Variants in AGAP1 observed in about 807,000 individuals in gnomAD.
The protein encoded by AGAP1 is arf-GAP with GTPase, ANK repeat and PH domain-containing protein 1.
In AGAP1, 29 loss-of-function variants were observed where a neutral mutation model predicts 105.3. The observed-to-expected ratio is 0.28, with a 90% CI of 0.21 to 0.38. The LOEUF is 0.38. AGAP1 is among the 10% of genes least tolerant of loss of function. AGAP1 has a pLI of 1.00. For missense variants in AGAP1, 998 were observed against 1,165.1 expected, an observed-to-expected ratio of 0.86 and a Z score of 2.09; for synonymous variants, 509 against 485.9, an observed-to-expected ratio of 1.05 and a Z score of -0.63.
chr2:235,645,086 G>C (rs964218326), intron 1 of AGAP1, among the ~76,000 whole-genome samples: 3 of 152,072 alleles, frequency 2.0e-5, no homozygotes, highest in Non-Finnish European at 1.5e-5. Flanking sequence ...AGTAGAGACA[G>C]GGTTTTACCA....
chr2:235,570,830 G>A (rs534629334), intron 1 of AGAP1, among the ~76,000 whole-genome samples: 7 of 152,306 alleles, frequency 4.6e-5, no homozygotes, highest in Admixed American at 3.3e-4. Context: ...TGATTAGGCC[G>A]GTGCCTGGCA....
At position 236,096,153 on chromosome 2, in the gene AGAP1, A is replaced by C. The variant is rs183222848; in HGVS notation, c.2115-24039A>C. On this transcript the variant is annotated intron_variant, in intron 16 of 17. Coordinates refer to ENST00000304032, the MANE Select transcript of AGAP1 (RefSeq NM_001037131.3). This position sits in a 1 kb window ranked among gnomAD's most constrained non-coding sequence, Gnocchi z 4.4. The stretch of plus-strand genomic sequence containing the variant: ...CCATGTGCATAGCTGTTTTTCATCC[A>C]GTAGGTAACTTCACTGGCTTCTTCA... 7.9e-4 allele frequency among the ~76,000 whole-genome samples: 120 copies of C among 152,324 alleles called. No homozygotes were observed. The highest frequency in any genetic ancestry group is 2.5e-3 in the African/African-American group (106 of 41,584).
At position 235,936,537 on chromosome 2, in the gene AGAP1, C is replaced by T. The variant is rs563563564; in HGVS notation, c.1483+5614C>T. Among the ~76,000 whole-genome samples, 1 of 152,156 alleles carries T rather than the reference C, an allele frequency of 6.6e-6. No individual in the cohort carries two copies. Among genetic ancestry groups the T allele is most frequent in the Non-Finnish European group, 1.5e-5 (1 of 68,004 alleles). On this transcript the variant is annotated intron_variant, in intron 12 of 17. Transcript: ENST00000304032. The surrounding 1 kb of genome is among the most constrained non-coding windows in gnomAD (Gnocchi z 4.7). Reference sequence around the variant, plus strand: ...AAGCTGTCTGTCCCACACTTACTTTCGGAGCCAATGCATTTGAACCACACT... The same window carrying T: ...AAGCTGTCTGTCCCACACTTACTTTTGGAGCCAATGCATTTGAACCACACT...
Position 235,867,571 on chromosome 2 carries a change from G to A in AGAP1, c.1051-15774G>A, listed in dbSNP as rs960643481. Among the ~76,000 whole-genome samples, 3 of 151,080 alleles carry A rather than the reference G, an allele frequency of 2.0e-5. No individual in the cohort carries two copies. The highest frequency in any genetic ancestry group is 4.4e-5 in the Non-Finnish European group (3 of 67,734). On this transcript the variant is annotated intron_variant, in intron 9 of 17. Coordinates refer to ENST00000304032, the MANE Select transcript of AGAP1 (RefSeq NM_001037131.3). The surrounding 1 kb of genome is among the most constrained non-coding windows in gnomAD (Gnocchi z 5.4). ...TGTGTGTGTGTGTGTGTGTGTGTGTGTGTGCAAGTGAGGGAGGGTGACCCC... is the reference window on the plus strand; with the variant it reads ...TGTGTGTGTGTGTGTGTGTGTGTGTATGTGCAAGTGAGGGAGGGTGACCCC...
At position 236,025,316 on chromosome 2, in the gene AGAP1, G is replaced by T. The variant is rs191344979; in HGVS notation, c.1646-11245G>T. On this transcript the variant is annotated intron_variant, in intron 13 of 17. Transcript: ENST00000304032. ...GTAATGCTCGGCTCTGTCTCTGACT[G>T]ATGGGCCTCACGCTGCCAATTACTG... 1.8e-3 allele frequency among the ~76,000 whole-genome samples: 277 copies of T among 152,264 alleles called. 1 individual carries two copies. Among genetic ancestry groups the T allele is most frequent in the African/African-American group, 6.2e-3 (258 of 41,560 alleles).
intron 1 of AGAP1, among the ~76,000 whole-genome samples, chr2:235,498,942 T>TTGGGGGACC (rs1046514956): frequency 2.0e-5 from 3 of 152,182 alleles, no homozygotes; most frequent in Non-Finnish European, 4.4e-5. Context: ...GCCCCAGTGT[T>TTGGGGGACC]TGGGGGACCT....
chr2:236,081,388 T>G (rs1262679043), intron 16 of AGAP1, among the ~76,000 whole-genome samples: 1 of 152,220 alleles, frequency 6.6e-6, no homozygotes, highest in Non-Finnish European at 1.5e-5. Context: ...CCGGGGTGCG[T>G]GTCTGAACCG....
intron 2 of AGAP1, 71 bp from the exon 3 acceptor site, chr2:235,717,486 C>T (rs569756649): frequency 6.1e-6 from 8 of 1,320,900 alleles, no homozygotes; most frequent in Non-Finnish European, 8.4e-6. Context: ...TCTATTTTAG[C>T]CTCTTAGTAT....
At chr2:235,780,971 C>G (rs1455455931) in intron 6 of AGAP1, among the ~76,000 whole-genome samples, 1 of 152,148 alleles carries the variant, frequency 6.6e-6, no homozygotes, top group Non-Finnish European at 1.5e-5. Context: ...ATAAAATTCT[C>G]TGCAGCCACT....
intron 6 of AGAP1, among the ~76,000 whole-genome samples, chr2:235,771,953 C>G (rs1006599869): frequency 1.3e-5 from 2 of 151,178 alleles, no homozygotes; most frequent in Admixed American, 1.3e-4. Flanking sequence ...ATGCAATGTT[C>G]CGGAGCTGAC....
rs1212288029 is a variant in AGAP1 at position 236,056,303 on chromosome 2, T to C, written c.2114+7022T>C. 1.3e-5 allele frequency among the ~76,000 whole-genome samples: 2 copies of C among 152,240 alleles called. No individual in the cohort carries two copies. The highest frequency in any genetic ancestry group is 4.8e-5 in the African/African-American group (2 of 41,466). ...TTTGATCCTGCAAGAAACCAGTGTG[T>C]GCTTGGAGCCGGCTTTGCTACCGCA... On this transcript the variant is annotated intron_variant, in intron 16 of 17. Coordinates refer to ENST00000304032, the MANE Select transcript of AGAP1 (RefSeq NM_001037131.3). This position sits in a 1 kb window ranked among gnomAD's most constrained non-coding sequence, Gnocchi z 4.6.
chr2:235,728,326 T>TGC lies in AGAP1; in HGVS notation c.310+10684_310+10685dup, dbSNP rs1553615546. Reference sequence around the variant, plus strand: ...CTGTGTGTGTGTGTGTGTGTGTGTGTGCGTGCTCTTAAATCAATGTAAATT... The same window carrying TGC: ...CTGTGTGTGTGTGTGTGTGTGTGTGTGCGCGTGCTCTTAAATCAATGTAAATT... On this transcript the variant is annotated intron_variant, in intron 3 of 17. Transcript: ENST00000304032. This position sits in a 1 kb window ranked among gnomAD's most constrained non-coding sequence, Gnocchi z 4.3. 7.3e-5 allele frequency among the ~76,000 whole-genome samples: 11 copies of TGC among 151,624 alleles called. No individual in the cohort carries two copies. The highest frequency in any genetic ancestry group is 3.2e-3 in the Middle Eastern group (1 of 316).
In AGAP1 at chr2:236,102,222, C is replaced by G. The variant is rs538829502; in HGVS notation, c.2115-17970C>G. Among the ~76,000 whole-genome samples, 12 of 152,152 alleles carry G rather than the reference C, an allele frequency of 7.9e-5. No individual in the cohort carries two copies. The South Asian group carries it at 2.5e-3, about 32-fold the overall frequency. On this transcript the variant is annotated intron_variant, in intron 16 of 17. Coordinates refer to ENST00000304032, the MANE Select transcript of AGAP1 (RefSeq NM_001037131.3). ...CACAAGGTCAGGAGATCGAGACCAT[C>G]CTGGCTAACACGGTGAAACCCTGTT...
In AGAP1 at chr2:235,754,331, G is replaced by T. The variant is rs1953719736; in HGVS notation, c.673+3843G>T. On this transcript the variant is annotated intron_variant, in intron 6 of 17. Coordinates refer to ENST00000304032, the MANE Select transcript of AGAP1 (RefSeq NM_001037131.3). The surrounding 1 kb of genome is among the most constrained non-coding windows in gnomAD (Gnocchi z 4.6). ...TCTCTGGCTTCTTTTTTGCCCTAGG[G>T]CTTACTTTGTTTATTTACTTTTTAT... Among the ~76,000 whole-genome samples, 1 of 151,806 alleles carries T rather than the reference G, an allele frequency of 6.6e-6. No homozygotes were observed. Among genetic ancestry groups the T allele is most frequent in the Non-Finnish European group, 1.5e-5 (1 of 67,966 alleles).
chr2:236,034,910 G>A (rs1247506728), intron 13 of AGAP1, among the ~76,000 whole-genome samples: 1 of 152,226 alleles, frequency 6.6e-6, no homozygotes, highest in Non-Finnish European at 1.5e-5. Flanking sequence ...CTGGGAGTGG[G>A]GCTTGGGAGC....
chr2:235,546,220 G>A (rs373744054), intron 1 of AGAP1, among the ~76,000 whole-genome samples: 11 of 152,238 alleles, frequency 7.2e-5, no homozygotes, highest in African/African-American at 2.7e-4. Flanking sequence ...GTTCATCCGA[G>A]CCCAAGGTAG....
Position 235,754,267 on chromosome 2 carries a change from C to T in AGAP1, c.673+3779C>T, listed in dbSNP as rs1468183296. On this transcript the variant is annotated intron_variant, in intron 6 of 17. Transcript: ENST00000304032. The surrounding 1 kb of genome is among the most constrained non-coding windows in gnomAD (Gnocchi z 4.6). ...ATGCACCCAGCCAGCAGGGCCCCTG[C>T]CTGCTCGCCGACTCAGTTTATTCAC... 6.6e-6 allele frequency among the ~76,000 whole-genome samples: 1 copy of T among 152,298 alleles called. No individual in the cohort carries two copies. Among genetic ancestry groups the T allele is most frequent in the East Asian group, 1.9e-4 (1 of 5,182 alleles).
intron 9 of AGAP1, among the ~76,000 whole-genome samples, chr2:235,818,108 C>T (rs1472198867): frequency 6.6e-6 from 1 of 152,216 alleles, no homozygotes; most frequent in Admixed American, 6.5e-5. Flanking sequence ...TGCTTAAAAA[C>T]TCATCAGAAT....
intron 16 of AGAP1, among the ~76,000 whole-genome samples, chr2:236,112,928 C>T (rs2059687148): frequency 5.3e-5 from 8 of 152,242 alleles, no homozygotes; most frequent in Admixed American, 5.2e-4. Context: ...GTGTAAAATT[C>T]CCTAAGTCTT....
Sources: gnomAD v4.1 joint callset for allele counts (sites outside exome capture counted in the v4.1 genomes callset) on GRCh38, gnomAD v4.1.1 for gene constraint, Gnocchi (gnomAD v3.1) non-coding constraint, MANE v1.5 for transcripts, NCBI Gene and HGNC (gene_info 2026-07-23, HGNC 2026-07-21) for gene names.